Variants in EIF5B observed in about 807,000 individuals in gnomAD.
EIF5B encodes eIF-5B.
In EIF5B, 47 loss-of-function variants were observed where a neutral mutation model predicts 147.5. The ratio of observed to expected loss-of-function variants is 0.32; its 90% CI spans 0.25 to 0.41. The LOEUF is 0.41. Among genes scored for constraint, EIF5B ranks in the 10% least tolerant of loss-of-function variants. The pLI is 1.00. For synonymous variants in EIF5B, 455 were observed against 456.2 expected (o/e 1.00, Z 0.03); for missense variants, 1,064 against 1,413.2 (o/e 0.75, Z 3.96).
At chr2:99,383,552 C>T (rs1299837981) in intron 14 of EIF5B, among the ~76,000 whole-genome samples, 2 of 152,170 alleles carry the variant, frequency 1.3e-5, no homozygotes, top group Non-Finnish European at 2.9e-5. Context: ...CTCTTCAATT[C>T]TGTGAAAGTT....
intron 6 of EIF5B, among the ~76,000 whole-genome samples, chr2:99,367,341 AACAG>A (rs1273518167): frequency 6.6e-6 from 1 of 152,204 alleles, no homozygotes; most frequent in Non-Finnish European, 1.5e-5. Flanking sequence ...AAAAGGTATC[AACAG>A]ACACTTTCAC....
At chr2:99,338,506 TCAAAA>T in intron 1 of EIF5B, 1 of 388,614 alleles carries the variant, frequency 2.6e-6, no homozygotes, top group Non-Finnish European at 5.0e-6. Flanking sequence ...TCAGTCTGAC[TCAAAA>T]CAGATATGTT....
intron 1 of EIF5B, among the ~76,000 whole-genome samples, chr2:99,348,094 C>T (rs1043551916): frequency 3.9e-5 from 6 of 151,906 alleles, no homozygotes; most frequent in African/African-American, 9.7e-5. Flanking sequence ...GTATCGGGGG[C>T]GTCTACAAGA....
intron 1 of EIF5B, among the ~76,000 whole-genome samples, chr2:99,343,283 AAG>A (rs1323333258): frequency 1.3e-5 from 2 of 150,790 alleles, no homozygotes; most frequent in Non-Finnish European, 2.9e-5. Flanking sequence ...GTTGGGTTGT[AAG>A]AGGTCTTGAT....
chr2:99,360,275 A>G lies in EIF5B; in HGVS notation c.75A>G (p.Glu25=). The G allele has an allele frequency of 6.2e-7, 1 of 1,608,724 alleles. No individual in the cohort carries two copies. Among genetic ancestry groups the G allele is most frequent in the South Asian group, 1.1e-5 (1 of 88,914 alleles). ...DDIDLDALAA[E]IEGAGAAKEQ... Reference sequence around the variant, plus strand: ...TTGATCTTGATGCCTTGGCTGCAGAAATAGAAGGAGCTGGTGCTGCCAAAG... The same window carrying G: ...TTGATCTTGATGCCTTGGCTGCAGAGATAGAAGGAGCTGGTGCTGCCAAAG... Residue 25 remains glutamate, a synonymous_variant, in exon 2 of 24, where the codon GAA becomes GAG. Coordinates refer to ENST00000289371, the MANE Select transcript of EIF5B (RefSeq NM_015904.4).
intron 14 of EIF5B, among the ~76,000 whole-genome samples, chr2:99,385,028 G>T (rs537531421): frequency 1.5e-4 from 23 of 152,312 alleles, no homozygotes; most frequent in Non-Finnish European, 3.1e-4. Flanking sequence ...GCTCTAAGCA[G>T]CATTACATGC....
At chr2:99,347,666 G>A (rs1406669066) in intron 1 of EIF5B, among the ~76,000 whole-genome samples, 5 of 152,144 alleles carry the variant, frequency 3.3e-5, no homozygotes, top group Admixed American at 6.5e-5. Context: ...AGTTCAGCAT[G>A]CCTGAACTAG....
At chr2:99,372,951 A>G (rs1220266014) in intron 9 of EIF5B, among the ~76,000 whole-genome samples, 1 of 151,790 alleles carries the variant, frequency 6.6e-6, no homozygotes, top group Non-Finnish European at 1.5e-5. Flanking sequence ...TACTGGGACC[A>G]ATGCCTTAAA....
intron 1 of EIF5B, among the ~76,000 whole-genome samples, chr2:99,349,691 T>C (rs946182745): frequency 1.3e-5 from 2 of 152,242 alleles, no homozygotes; most frequent in Non-Finnish European, 2.9e-5. Context: ...CACATAATAA[T>C]TGTACATATT....
chr2:99,400,044 T>TAAAGA lies in EIF5B; in HGVS notation c.*634_*638dup, dbSNP rs1553537345. 1 of 152,262 alleles carries TAAAGA rather than the reference T, an allele frequency of 6.6e-6. No homozygotes were observed. Among genetic ancestry groups the TAAAGA allele is most frequent in the Non-Finnish European group, 1.5e-5 (1 of 68,042 alleles). 9.4% of individuals were successfully genotyped at this position (152,262 alleles called of 1,614,324 possible). A position where few individuals can be genotyped will look rare whatever the true frequency, so the allele number is the denominator to read the frequency against. On this transcript the variant is annotated 3_prime_UTR_variant, in exon 24 of 24. Coordinates refer to ENST00000289371, the MANE Select transcript of EIF5B (RefSeq NM_015904.4). Reference sequence around the variant, plus strand: ...TCACAATTCTAAACCAAACTACCAATAAAGAAAACAGACATCCACCAGTAA... The same window carrying TAAAGA: ...TCACAATTCTAAACCAAACTACCAATAAAGAAAAGAAAACAGACATCCACCAGTAA...
intron 7 of EIF5B, 32 bp downstream of exon 7, chr2:99,368,623 A>G (rs1674376384): frequency 6.6e-7 from 1 of 1,524,704 alleles, no homozygotes; most frequent in Admixed American, 1.8e-5. Context: ...TAATTTAGGA[A>G]ATATGTTGTT....
intron 14 of EIF5B, among the ~76,000 whole-genome samples, chr2:99,387,752 T>G (rs1574939179): frequency 6.6e-6 from 1 of 152,256 alleles, no homozygotes; most frequent in East Asian, 1.9e-4. Context: ...ATTGGCTCTT[T>G]TAGCAATATT....
At chr2:99,347,360 A>G (rs1030299033) in intron 1 of EIF5B, among the ~76,000 whole-genome samples, 4 of 152,330 alleles carry the variant, frequency 2.6e-5, no homozygotes, top group African/African-American at 9.6e-5. Flanking sequence ...TAAAGTTCCA[A>G]TCTGCAGTAT....
chr2:99,389,738 GA>G lies in EIF5B; in HGVS notation c.2297del (p.Lys766ArgfsTer11). ...TTCAGATTGATAGGTTATATGATTG[GA>G]AAAAGAGTCCTGACTCTGATGTGGC... is the stretch of plus-strand genomic sequence containing the variant. ...LNKIDRLYDW[K>X]KSPDSDVAAT... On this transcript the variant is annotated frameshift_variant, in exon 15 of 24. Coordinates refer to ENST00000289371, the MANE Select transcript of EIF5B (RefSeq NM_015904.4). LOFTEE classifies it high-confidence loss of function. 6.2e-7 allele frequency: 1 copy of G among 1,604,808 alleles called. No individual in the cohort carries two copies. The highest frequency in any genetic ancestry group is 1.7e-5 in the Admixed American group (1 of 57,590).
intron 14 of EIF5B, 111 bp downstream of exon 14, chr2:99,383,032 A>G: frequency 1.8e-6 from 2 of 1,098,226 alleles, no homozygotes; most frequent in Non-Finnish European, 2.5e-6. Context: ...ATTGTGCTTC[A>G]CTATATTGTG....
At chr2:99,347,846 C>T (rs1250539255) in intron 1 of EIF5B, among the ~76,000 whole-genome samples, 1 of 152,006 alleles carries the variant, frequency 6.6e-6, no homozygotes, top group Admixed American at 6.6e-5. Flanking sequence ...TAAACAAAAC[C>T]TTGGGTTGCT....
Position 99,394,374 on chromosome 2 carries a change from A to T in EIF5B, c.2988A>T (p.Glu996Asp). 6.2e-7 allele frequency: 1 copy of T among 1,614,000 alleles called. No homozygotes were observed. Among genetic ancestry groups the T allele is most frequent in the Non-Finnish European group, 8.5e-7 (1 of 1,179,982 alleles). Residue 996 changes from glutamate (E) to aspartate (D), a missense_variant, in exon 19 of 24, where the codon GAA (glutamate) becomes GAT (aspartate). Physicochemically the swap from Glu to Asp is conservative, Grantham distance 45. Coordinates refer to ENST00000289371, the MANE Select transcript of EIF5B (RefSeq NM_015904.4). ...STLGSLEALL[E>D]FLKTSEVPYA... is the part of the protein sequence containing the mutation. The stretch of plus-strand genomic sequence containing the variant: ...TGGGTTCTTTGGAAGCTCTACTGGA[A>T]TTTCTGAAAACATCAGAAGTGCCCG...
At position 99,363,742 on chromosome 2, in the gene EIF5B, C is replaced by T. The variant is rs1674269574; in HGVS notation, c.1017C>T (p.Ala339=). 6.2e-7 allele frequency: 1 copy of T among 1,611,066 alleles called. No homozygotes were observed. The highest frequency in any genetic ancestry group is 1.3e-5 in the African/African-American group (1 of 74,640). ...AGAAGAAAAAAGGACCTAGCAAAGC[C>T]ACTGTTAAAGCTATGCAAGAAGCTC... ...EKEKKKGPSK[A]TVKAMQEALA... is the part of the protein sequence containing the mutation. Residue 339 remains alanine (A), a synonymous_variant, in exon 5 of 24, where the codon GCC becomes GCT. Coordinates refer to ENST00000289371, the MANE Select transcript of EIF5B (RefSeq NM_015904.4).
At chr2:99,367,739 G>A (rs1314193227) in intron 6 of EIF5B, among the ~76,000 whole-genome samples, 3 of 152,146 alleles carry the variant, frequency 2.0e-5, no homozygotes, top group Non-Finnish European at 4.4e-5. Context: ...ACAGGCGTGA[G>A]CCATTGCGCC....
Sources: gnomAD v4.1 joint callset for allele counts (sites outside exome capture counted in the v4.1 genomes callset) on GRCh38, gnomAD v4.1.1 for gene constraint, MANE v1.5 for transcripts, NCBI Gene and HGNC (gene_info 2026-07-23, HGNC 2026-07-21) for gene names.